ITPK1: variants seen among roughly 807,000 people sequenced by gnomAD.
ITPK1 encodes the protein inositol-tetrakisphosphate 1-kinase.
Under a neutral mutation model 45.3 loss-of-function variants are expected in ITPK1, and 21 were observed. The observed-to-expected ratio is 0.46, with a 90% confidence interval of 0.33 to 0.67. ITPK1 has a LOEUF of 0.67. ITPK1 is among the 30% of genes least tolerant of loss of function. ITPK1 has a pLI of 0.02. For synonymous variants in ITPK1, 258 were observed against 253.6 expected (o/e 1.02, Z -0.16); for missense variants, 474 against 573.5 (o/e 0.83, Z 1.77).
At chr14:93,010,350 G>C (rs1478905683) in intron 4 of ITPK1, among the ~76,000 whole-genome samples, 1 of 152,220 alleles carries the variant, frequency 6.6e-6, no homozygotes, top group Non-Finnish European at 1.5e-5. Context: ...GGGCCAACAG[G>C]GTTTGATTCA....
At chr14:92,960,138 G>T (rs1162782210) in intron 7 of ITPK1, among the ~76,000 whole-genome samples, 2 of 152,220 alleles carry the variant, frequency 1.3e-5, no homozygotes, top group Non-Finnish European at 2.9e-5. Flanking sequence ...TACATGGGAC[G>T]TGGTGGCACA....
rs569146785 is a variant in ITPK1, at chr14:92,961,320, C to A, written c.504+1035G>T. Among the ~76,000 whole-genome samples the A allele has an allele frequency of 4.6e-5, 7 of 152,372 alleles. No homozygotes were observed. The East Asian group carries it at 1.4e-3, about 29-fold the overall frequency. ...AGCGAAGCCCCTGCATGACCATCCA[C>A]TCCTCTAGCCCCTGGAGTCCTCACA... On this transcript the variant is annotated intron_variant, in intron 7 of 10. Coordinates refer to ENST00000267615, the MANE Select transcript of ITPK1 (RefSeq NM_014216.6).
intron 3 of ITPK1, among the ~76,000 whole-genome samples, chr14:93,046,457 T>A (rs912227847): frequency 1.3e-5 from 2 of 151,926 alleles, no homozygotes; most frequent in Admixed American, 6.6e-5. Context: ...GTTCCTGTCA[T>A]AAAGGAGATA....
At chr14:93,038,310 T>C (rs982285452) in intron 3 of ITPK1, among the ~76,000 whole-genome samples, 6 of 152,032 alleles carry the variant, frequency 3.9e-5, no homozygotes, top group African/African-American at 1.4e-4. Flanking sequence ...ACTGGGATTA[T>C]AGGTGTGAGC....
intron 4 of ITPK1, among the ~76,000 whole-genome samples, chr14:93,003,228 T>C (rs1037008682): frequency 3.3e-5 from 5 of 151,816 alleles, no homozygotes; most frequent in African/African-American, 4.8e-5. Flanking sequence ...AGCCTCTCCC[T>C]GGGAGGTCAG....
At chr14:92,942,733 A>G (rs10873430) in intron 10 of ITPK1, among the ~76,000 whole-genome samples, 94,393 of 152,144 alleles carry the variant, frequency 0.62, 29,675 homozygotes, top group East Asian at 0.91. Flanking sequence ...TGCGAACATC[A>G]GCAGAGCCCT....
chr14:92,975,138 C>T lies in ITPK1; in HGVS notation c.365-12289G>A, dbSNP rs555407264. On this transcript the variant is annotated intron_variant, in intron 5 of 10. Coordinates refer to ENST00000267615, the MANE Select transcript of ITPK1 (RefSeq NM_014216.6). Reference sequence around the variant, plus strand: ...TGAGCCGCTGCTCCATGCTCCCCAACGGCTCCCATGGCCTTCGGAATCAGG... The same window carrying T: ...TGAGCCGCTGCTCCATGCTCCCCAATGGCTCCCATGGCCTTCGGAATCAGG... Among the ~76,000 whole-genome samples, 604 of 152,352 alleles carry T rather than the reference C, an allele frequency of 4.0e-3. 2 individuals carry two copies. Among genetic ancestry groups the T allele is most frequent in the Middle Eastern group, 0.024 (7 of 294 alleles).
intron 3 of ITPK1, among the ~76,000 whole-genome samples, chr14:93,075,803 A>G (rs1037960383): frequency 6.6e-6 from 1 of 152,190 alleles, no homozygotes; most frequent in Non-Finnish European, 1.5e-5. Flanking sequence ...CTCTGCAGCT[A>G]CAGGCAGATG....
intron 3 of ITPK1, among the ~76,000 whole-genome samples, chr14:93,017,761 C>G (rs1186390280): frequency 6.6e-6 from 1 of 152,252 alleles, no homozygotes; most frequent in Non-Finnish European, 1.5e-5. Context: ...GGGTTTCCCT[C>G]CAGGATTCAA....
intron 5 of ITPK1, among the ~76,000 whole-genome samples, chr14:92,982,842 T>C (rs1833213420): frequency 6.6e-6 from 1 of 152,172 alleles, no homozygotes; most frequent in South Asian, 2.1e-4. Flanking sequence ...CCTACCCTGC[T>C]CCTTGAAGGC....
intron 2 of ITPK1, among the ~76,000 whole-genome samples, chr14:93,081,554 G>A (rs1201783425): frequency 1.3e-5 from 2 of 152,186 alleles, no homozygotes; most frequent in Non-Finnish European, 2.9e-5. Context: ...CAAGGAGCAC[G>A]AACCCTTCAG....
chr14:92,979,613 G>T (rs1886114117), intron 5 of ITPK1, among the ~76,000 whole-genome samples: 1 of 152,106 alleles, frequency 6.6e-6, no homozygotes, highest in Non-Finnish European at 1.5e-5. Flanking sequence ...AATCTAGCAT[G>T]TCGCACTTCC....
rs1052777599 is a variant in ITPK1 at position 93,012,317 on chromosome 14, G to C, written c.246+4359C>G. ...GCAAAGTTGGCAGGGCCTGGGACGA[G>C]AGATGTGTCATTAATCAGCTCACGA... On this transcript the variant is annotated intron_variant, in intron 4 of 10. Coordinates refer to ENST00000267615, the MANE Select transcript of ITPK1 (RefSeq NM_014216.6). This position sits in a 1 kb window ranked among gnomAD's most constrained non-coding sequence, Gnocchi z 4.9. Among the ~76,000 whole-genome samples, 6 of 152,224 alleles carry C rather than the reference G, an allele frequency of 3.9e-5. No individual in the cohort carries two copies. The highest frequency in any genetic ancestry group is 1.4e-4 in the African/African-American group (6 of 41,456).
intron 5 of ITPK1, among the ~76,000 whole-genome samples, chr14:92,982,793 G>C (rs1886297665): frequency 6.6e-6 from 1 of 152,192 alleles, no homozygotes; most frequent in Non-Finnish European, 1.5e-5. Context: ...TGGAGTCACT[G>C]GGGGAAAGCA....
At chr14:92,996,838 G>A (rs1052549159) in intron 4 of ITPK1, among the ~76,000 whole-genome samples, 1 of 152,128 alleles carries the variant, frequency 6.6e-6, no homozygotes, top group Non-Finnish European at 1.5e-5. Flanking sequence ...AGAAACCCAG[G>A]CGCCCGATGT....
chr14:93,085,851 G>A (rs749257070), intron 2 of ITPK1, among the ~76,000 whole-genome samples: 5 of 152,096 alleles, frequency 3.3e-5, no homozygotes, highest in Non-Finnish European at 4.4e-5. Context: ...TTGCAGGTGC[G>A]GTAATTTTTC....
chr14:93,054,540 C>T (rs572294986), intron 3 of ITPK1, among the ~76,000 whole-genome samples: 2 of 152,316 alleles, frequency 1.3e-5, no homozygotes, highest in South Asian at 4.1e-4. Flanking sequence ...TCTATTCTAA[C>T]TAGACACTGG....
intron 5 of ITPK1, among the ~76,000 whole-genome samples, chr14:92,988,906 C>T (rs73332124): frequency 0.029 from 4,469 of 152,232 alleles, 230 homozygotes; most frequent in African/African-American, 0.1. Context: ...CCTGCCTAAG[C>T]GCTGACAGAC....
At chr14:93,044,986 C>T (rs1017734349) in intron 3 of ITPK1, among the ~76,000 whole-genome samples, 4 of 152,222 alleles carry the variant, frequency 2.6e-5, no homozygotes, top group Non-Finnish European at 4.4e-5. Context: ...TCTGTCAGAT[C>T]AGGAAGAAAG....
Sources: allele counts gnomAD v4.1 joint callset (sites outside exome capture counted in the v4.1 genomes callset), GRCh38; gene constraint gnomAD v4.1.1; non-coding constraint Gnocchi (gnomAD v3.1); transcripts MANE v1.5; gene names NCBI Gene and HGNC (gene_info 2026-07-23, HGNC 2026-07-21).